The following CBLB variants were observed in gnomAD, a reference collection of about 807,000 sequenced individuals.
The protein encoded by CBLB is E3 ubiquitin-protein ligase CBL-B.
In CBLB, 31 loss-of-function variants were observed where a neutral mutation model predicts 104.9. The observed-to-expected ratio is 0.30, with a 90% confidence interval of 0.22 to 0.40. The LOEUF is 0.40. CBLB is among the 10% of genes least tolerant of loss of function. The pLI is 1.00. For missense variants in CBLB, 1,062 were observed against 1,214.6 expected (o/e 0.87, Z 1.87); for synonymous variants, 440 against 422.6 (o/e 1.04, Z -0.51).
intron 2 of CBLB, among the ~76,000 whole-genome samples, chr3:105,856,370 A>AAAAGG (rs2091613206): frequency 6.7e-6 from 1 of 149,798 alleles, no homozygotes; most frequent in African/African-American, 2.4e-5. Context: ...AAAAAAAAAG[A>AAAAGG]AAAGGAAAAA....
At chr3:105,766,558 C>G (rs994087929) in intron 4 of CBLB, among the ~76,000 whole-genome samples, 41 of 152,158 alleles carry the variant, frequency 2.7e-4, no homozygotes, top group African/African-American at 9.2e-4. Context: ...CCATGAACAT[C>G]GAGGCACAAC....
intron 2 of CBLB, among the ~76,000 whole-genome samples, chr3:105,854,777 T>C (rs2091396038): frequency 6.6e-6 from 1 of 151,990 alleles, no homozygotes; most frequent in African/African-American, 2.4e-5. Context: ...GGATTACAGG[T>C]GCCTGCCACC....
chr3:105,853,921 T>G (rs1428095759), intron 2 of CBLB, among the ~76,000 whole-genome samples: 1 of 152,222 alleles, frequency 6.6e-6, no homozygotes, highest in Non-Finnish European at 1.5e-5. Context: ...GATACCTCAT[T>G]GTGCATAGCT....
intron 3 of CBLB, among the ~76,000 whole-genome samples, chr3:105,839,684 T>C (rs1345126696): frequency 6.6e-6 from 1 of 152,230 alleles, no homozygotes; most frequent in African/African-American, 2.4e-5. Flanking sequence ...CCACAGACAG[T>C]AAGTAAATAA....
chr3:105,659,739 T>G (rs1207474038), intron 18 of CBLB, among the ~76,000 whole-genome samples: 1 of 152,108 alleles, frequency 6.6e-6, no homozygotes, highest in Non-Finnish European at 1.5e-5. Flanking sequence ...ACAGCAGAAC[T>G]GCTCTAAAAC....
intron 3 of CBLB, among the ~76,000 whole-genome samples, chr3:105,792,590 C>T (rs1341224398): frequency 6.6e-6 from 1 of 152,144 alleles, no homozygotes; most frequent in Non-Finnish European, 1.5e-5. Flanking sequence ...ATCACCACAC[C>T]CCAGTCCACC....
In CBLB at chr3:105,782,895, T is replaced by C. The variant is rs13076107; in HGVS notation, c.420-6353A>G. Among the ~76,000 whole-genome samples, 1,173 of 152,308 alleles carry C rather than the reference T, an allele frequency of 7.7e-3. 10 individuals carry two copies. The highest frequency in any genetic ancestry group is 0.011 in the Non-Finnish European group (769 of 68,024). On this transcript the variant is annotated intron_variant, in intron 3 of 18. Transcript: ENST00000394030. ...GCCTGTGGTATTCTTTCCAACATGT[T>C]ATCTACGAAGTTTTATTAACAGCAA...
intron 12 of CBLB, among the ~76,000 whole-genome samples, chr3:105,695,665 G>A (rs1477321603): frequency 6.6e-6 from 1 of 151,770 alleles, no homozygotes; most frequent in East Asian, 1.9e-4. Context: ...AATACCATTT[G>A]TTACTGATGT....
intron 3 of CBLB, among the ~76,000 whole-genome samples, chr3:105,813,287 G>C (rs2084552986): frequency 6.6e-6 from 1 of 152,102 alleles, no homozygotes; most frequent in South Asian, 2.1e-4. Flanking sequence ...CTGCTGGCTT[G>C]TTTCACAGAG....
chr3:105,857,990 C>T (rs918365713), intron 2 of CBLB, among the ~76,000 whole-genome samples: 1 of 152,098 alleles, frequency 6.6e-6, no homozygotes, highest in African/African-American at 2.4e-5. Context: ...AAGGAGTGTG[C>T]TAAGGCTTAA....
chr3:105,734,382 T>G (rs111568682), intron 8 of CBLB, among the ~76,000 whole-genome samples: 226 of 152,344 alleles, frequency 1.5e-3, no homozygotes, highest in African/African-American at 5.3e-3. Flanking sequence ...TCATATTATT[T>G]AAGGTTCCTT....
intron 17 of CBLB, chr3:105,673,664 T>C (rs550471540): frequency 1.3e-5 from 2 of 152,370 alleles, no homozygotes; most frequent in South Asian, 4.1e-4. Context: ...TATGTAATGA[T>C]CTACCATTGG....
chr3:105,711,151 AATAAG>A (rs1484460131), intron 10 of CBLB, among the ~76,000 whole-genome samples: 1 of 152,008 alleles, frequency 6.6e-6, no homozygotes, highest in African/African-American at 2.4e-5. Context: ...TCCAATTACT[AATAAG>A]ATGAGAGTTC....
chr3:105,856,309 C>G (rs113297294), intron 2 of CBLB, among the ~76,000 whole-genome samples: 1 of 137,002 alleles, frequency 7.3e-6, no homozygotes, highest in Admixed American at 8.0e-5. Flanking sequence ...GAGATCACAT[C>G]ACTGCACTCA....
chr3:105,754,493 AAGAGAGAGAGAGAG>A (rs1208848396), intron 4 of CBLB, among the ~76,000 whole-genome samples: 2 of 64,322 alleles, frequency 3.1e-5, no homozygotes, highest in Middle Eastern at 0.011. Flanking sequence ...AAGAAAAGGG[AAGAGAGAGAGAGAG>A]AGAGAGAGAG....
intron 13 of CBLB, among the ~76,000 whole-genome samples, chr3:105,689,511 A>T (rs2067407055): frequency 7.0e-6 from 1 of 142,494 alleles, no homozygotes; most frequent in Admixed American, 7.1e-5. Flanking sequence ...AAAAATTCTT[A>T]AAAAAAAAAA....
At chr3:105,756,626 G>A (rs1251205665) in intron 4 of CBLB, among the ~76,000 whole-genome samples, 2 of 152,108 alleles carry the variant, frequency 1.3e-5, no homozygotes, top group Non-Finnish European at 2.9e-5. Context: ...AACTTTATGG[G>A]ACATGCAAGA....
chr3:105,853,984 T>A (rs976849269), intron 2 of CBLB, among the ~76,000 whole-genome samples: 19 of 152,154 alleles, frequency 1.2e-4, no homozygotes, highest in South Asian at 4.1e-4. Flanking sequence ...TCTTTTTTTT[T>A]AAATAAAAAT....
Position 105,832,028 on chromosome 3 carries a change from A to T in CBLB, c.419+21386T>A, listed in dbSNP as rs187078014. Among the ~76,000 whole-genome samples the T allele has an allele frequency of 5.8e-3, 881 of 151,730 alleles. 9 individuals are homozygous for T. The highest frequency in any genetic ancestry group is 8.4e-3 in the Admixed American group (128 of 15,246). On this transcript the variant is annotated intron_variant, in intron 3 of 18. Coordinates refer to ENST00000394030, the MANE Select transcript of CBLB (RefSeq NM_170662.5). ...TCAGGTTGATACAACAGGAAATTTTAAAAAAAAATTTAATTATATTAAATA... is the reference window on the plus strand; with the variant it reads ...TCAGGTTGATACAACAGGAAATTTTTAAAAAAAATTTAATTATATTAAATA...
Sources: allele counts gnomAD v4.1 joint callset (sites outside exome capture counted in the v4.1 genomes callset), GRCh38; gene constraint gnomAD v4.1.1; transcripts MANE v1.5; gene names NCBI Gene and HGNC (gene_info 2026-07-23, HGNC 2026-07-21).